PSMB3: variants seen among roughly 807,000 people sequenced by gnomAD.
The protein encoded by PSMB3 is proteasome 20S subunit beta 3, also known as proteasome subunit beta type-3.
In PSMB3, 5 loss-of-function variants were observed where a neutral mutation model predicts 23.3. The ratio of observed to expected loss-of-function variants is 0.21; its 90% confidence interval spans 0.11 to 0.45. The LOEUF is 0.45. PSMB3 is among the 20% of genes least tolerant of loss of function. PSMB3 has a pLI of 0.99. For missense variants in PSMB3, 192 were observed against 277.9 expected (o/e 0.69, Z 2.20); for synonymous variants, 85 against 99.8 (o/e 0.85, Z 0.88).
chr17:38,755,658 A>T (rs1253732358), intron 2 of PSMB3, among the ~76,000 whole-genome samples: 1 of 106,110 alleles, frequency 9.4e-6, no homozygotes, highest in Non-Finnish European at 1.8e-5. Context: ...AAAAAAAAAA[A>T]AATATATATA....
At chr17:38,761,439 T>C (rs1019810883) in intron 4 of PSMB3, among the ~76,000 whole-genome samples, 1 of 150,164 alleles carries the variant, frequency 6.7e-6, no homozygotes, top group African/African-American at 2.5e-5. Flanking sequence ...AGAGATGAGA[T>C]AGTGCTTGAC....
At chr17:38,754,906 G>A (rs1350161140) in intron 2 of PSMB3, among the ~76,000 whole-genome samples, 1 of 152,066 alleles carries the variant, frequency 6.6e-6, no homozygotes, top group East Asian at 1.9e-4. Flanking sequence ...GGCAAGCTGT[G>A]ACCTTTTTTC....
rs375168847 is a variant in PSMB3, at chr17:38,753,173, G to A, written c.27G>A (p.Gly9=). The A allele has an allele frequency of 2.7e-5, 44 of 1,614,042 alleles. No individual in the cohort carries two copies. Among genetic ancestry groups the A allele is most frequent in the Non-Finnish European group, 3.6e-5 (43 of 1,180,014 alleles). The change falls in exon 2 of 6, where the codon GGG becomes GGA. Residue 9 remains glycine (G), a synonymous_variant. Coordinates refer to ENST00000619426, the MANE Select transcript of PSMB3 (RefSeq NM_002795.4). The stretch of plus-strand genomic sequence containing the variant: ...AGTCTATTATGTCCTATAACGGAGG[G>A]GCCGTCATGGCCATGAAGGGGAAGA... MSIMSYNG[G]AVMAMKGKNC... is the part of the protein sequence containing the mutation.
chr17:38,760,533 T>C lies in PSMB3; in HGVS notation c.399T>C (p.Thr133=), dbSNP rs774478363. ...ACCTCATCGGCTGCCCCATGGTGAC[T>C]GATGACTTTGTGGTCAGTGGCACCT... ...SLDLIGCPMV[T]DDFVVSGTCA... Residue 133 remains threonine, a synonymous_variant, in exon 4 of 6, where the codon ACT becomes ACC. Coordinates refer to ENST00000619426, the MANE Select transcript of PSMB3 (RefSeq NM_002795.4). The C allele has an allele frequency of 6.2e-7, 1 of 1,614,268 alleles. No homozygotes were observed. Among genetic ancestry groups the C allele is most frequent in the Admixed American group, 1.7e-5 (1 of 60,030 alleles).
At chr17:38,763,798 G>A (rs1197767503) in intron 5 of PSMB3, among the ~76,000 whole-genome samples, 9 of 152,204 alleles carry the variant, frequency 5.9e-5, no homozygotes, top group Middle Eastern at 3.4e-3. Flanking sequence ...CACCGCGCCC[G>A]GCCAAGCTCC....
At chr17:38,755,842 A>G in intron 2 of PSMB3, 41 bp from the exon 3 acceptor site, 1 of 1,534,190 alleles carries the variant, frequency 6.5e-7, no homozygotes, top group Non-Finnish European at 9.0e-7. Context: ...ACTCAGGAAT[A>G]TTCAATAATG....
intron 3 of PSMB3, among the ~76,000 whole-genome samples, chr17:38,756,936 C>T (rs1052907845): frequency 1.3e-5 from 2 of 150,026 alleles, no homozygotes; most frequent in Admixed American, 6.6e-5. Context: ...TGTGCAATCA[C>T]GGCTCACTGC....
At chr17:38,755,678 ATATATGTGTGTGTG>A (rs1908154119) in intron 2 of PSMB3, among the ~76,000 whole-genome samples, 191 bp from the exon 3 acceptor site, 2 of 107,094 alleles carry the variant, frequency 1.9e-5, no homozygotes. Flanking sequence ...ATATATATAT[ATATATGTGTGTGTG>A]TGTGTGTGTG....
At chr17:38,756,556 C>CGTGATCTCGGCTCACT (rs1364399077) in intron 3 of PSMB3, among the ~76,000 whole-genome samples, 1 of 151,822 alleles carries the variant, frequency 6.6e-6, no homozygotes, top group East Asian at 1.9e-4. Context: ...AGTGCAGTGG[C>CGTGATCTCGGCTCACT]GTGATCTCGG....
rs1329050231 is a variant in PSMB3, at chr17:38,753,263, C to A, written c.117C>A (p.Phe39Leu). The change falls in exon 2 of 6, where the codon TTC becomes TTA. Residue 39 changes from phenylalanine (F) to leucine (L), a missense_variant. Coordinates refer to ENST00000619426, the MANE Select transcript of PSMB3 (RefSeq NM_002795.4). ...GIQAQMVTTD[F>L]QKIFPMGDRL... ...AGGCCCAGATGGTGACCACGGACTT[C>A]CAGAAGATCTTTCCCATGGGTGACC... 2 of 1,614,088 alleles carry A rather than the reference C, an allele frequency of 1.2e-6. No individual in the cohort carries two copies. The highest frequency in any genetic ancestry group is 1.7e-6 in the Non-Finnish European group (2 of 1,180,042).
Position 38,760,453 on chromosome 17 carries a change from C to T in PSMB3, c.319C>T (p.Pro107Ser), listed in dbSNP as rs1908387877. ...CAGGTTTGGCCCTTACTACACTGAG[C>T]CAGTCATTGCCGGGTTGGACCCGAA... ...EKRFGPYYTEPVIAGLDPKTF... is the reference protein window; with the variant it reads ...EKRFGPYYTESVIAGLDPKTF... The change falls in exon 4 of 6, where the codon CCA becomes TCA. Residue 107 changes from proline (P) to serine (S), a missense_variant. Pro to Ser is a moderately conservative substitution (Grantham distance 74). Transcript: ENST00000619426. The T allele has an allele frequency of 1.2e-6, 2 of 1,614,094 alleles. No individual in the cohort carries two copies. The highest frequency in any genetic ancestry group is 1.7e-5 in the Admixed American group (1 of 60,006).
chr17:38,760,402 G>A (rs1908384181), intron 3 of PSMB3, 29 bp from the exon 4 acceptor site: 1 of 1,609,408 alleles, frequency 6.2e-7, no homozygotes, highest in African/African-American at 1.3e-5. Context: ...TTGAGTTCTG[G>A]TTTCTCTCTC....
At chr17:38,762,344 G>A (rs923598378) in intron 4 of PSMB3, 67 bp from the exon 5 acceptor site, 1 of 1,336,352 alleles carries the variant, frequency 7.5e-7, no homozygotes, top group Admixed American at 1.7e-5. Context: ...AGAAAAAAGA[G>A]AGTTAAGGGA....
At chr17:38,755,617 C>G (rs1288309664) in intron 2 of PSMB3, among the ~76,000 whole-genome samples, 2 of 146,456 alleles carry the variant, frequency 1.4e-5, no homozygotes, top group Non-Finnish European at 3.0e-5. Context: ...CCACTGCACT[C>G]CAGCCTGGGC....
intron 3 of PSMB3, among the ~76,000 whole-genome samples, chr17:38,759,538 T>TTTTTC: frequency 6.6e-6 from 1 of 152,094 alleles, no homozygotes. Context: ...TTCTTTTTTT[T>TTTTTC]TTTTCTTTTC....
chr17:38,754,480 A>G (rs528891782), intron 2 of PSMB3, among the ~76,000 whole-genome samples: 2 of 152,268 alleles, frequency 1.3e-5, no homozygotes, highest in South Asian at 4.1e-4. Context: ...AAACAAAATA[A>G]AAAAAGAAAG....
chr17:38,761,117 A>C (rs1461067426), intron 4 of PSMB3, among the ~76,000 whole-genome samples: 1 of 152,138 alleles, frequency 6.6e-6, no homozygotes, highest in Non-Finnish European at 1.5e-5. Flanking sequence ...TGGGAGGCTG[A>C]GGCAAGCAGA....
intron 4 of PSMB3, 50 bp downstream of exon 4, chr17:38,760,658 G>A (rs748332441): frequency 1.9e-6 from 3 of 1,603,870 alleles, no homozygotes; most frequent in Non-Finnish European, 2.6e-6. Flanking sequence ...CCCACCCTTG[G>A]TCATTAGGAA....
Position 38,764,186 on chromosome 17 carries a change from CTTT to C in PSMB3, c.*25_*27del. 1.2e-6 allele frequency: 2 copies of C among 1,607,906 alleles called. No individual in the cohort carries two copies. Among genetic ancestry groups the C allele is most frequent in the Non-Finnish European group, 1.7e-6 (2 of 1,176,822 alleles). ...GGACTAACCCTGTTCCCAGAGCCCA[CTTT>C]TTTTTCTTTTTTTGAAATAAAATAG... On this transcript the variant is annotated 3_prime_UTR_variant, in exon 6 of 6. Coordinates refer to ENST00000619426, the MANE Select transcript of PSMB3 (RefSeq NM_002795.4).
Sources: gnomAD v4.1 joint callset for allele counts (sites outside exome capture counted in the v4.1 genomes callset) on GRCh38, gnomAD v4.1.1 for gene constraint, MANE v1.5 for transcripts, NCBI Gene and HGNC (gene_info 2026-07-23, HGNC 2026-07-21) for gene names.